CSMD1: variants seen among roughly 807,000 people sequenced by gnomAD.
CSMD1 encodes CUB and Sushi multiple domains 1.
Under a neutral mutation model 417.5 loss-of-function variants are expected in CSMD1, and 213 were observed. The ratio of observed to expected loss-of-function variants is 0.51; its 90% confidence interval spans 0.46 to 0.57. The LOEUF (loss-of-function observed/expected upper bound fraction) is 0.57. Ranked by LOEUF, CSMD1 falls within the 20% of genes least tolerant of loss-of-function variation. The pLI is 0.00. For synonymous variants in CSMD1, 2,862 were observed against 1,736.8 expected (o/e 1.65, Z -16.11); for missense variants, 6,923 against 4,529.7 (o/e 1.53, Z -15.17).
chr8:3,823,376 GA>G (rs546770294), intron 5 of CSMD1, among the ~76,000 whole-genome samples: 155 of 152,222 alleles, frequency 1.0e-3, no homozygotes, highest in Non-Finnish European at 1.5e-3. Flanking sequence ...TTATTTAAAG[GA>G]AAGTTAAATA....
chr8:4,234,061 A>C (rs1308093869), intron 3 of CSMD1, among the ~76,000 whole-genome samples: 1 of 152,150 alleles, frequency 6.6e-6, no homozygotes, highest in Non-Finnish European at 1.5e-5. Context: ...CAGATAAGTC[A>C]ACCATTAACC....
At chr8:3,739,965 T>C (rs1224822748) in intron 6 of CSMD1, among the ~76,000 whole-genome samples, 2 of 152,176 alleles carry the variant, frequency 1.3e-5, no homozygotes, top group Non-Finnish European at 2.9e-5. Context: ...AGTTCGATTC[T>C]CCTTCATGAT....
intron 3 of CSMD1, among the ~76,000 whole-genome samples, chr8:4,299,388 C>G (rs1158169524): frequency 6.6e-6 from 1 of 152,088 alleles, no homozygotes. Context: ...TTGTAGATAA[C>G]CAGTCGTCTC....
In CSMD1 at chr8:3,269,046, C is replaced by T. The variant is rs113043459; in HGVS notation, c.4153+15098G>A. 3.5e-3 allele frequency among the ~76,000 whole-genome samples: 536 copies of T among 152,284 alleles called. 7 individuals are homozygous for T. Among genetic ancestry groups the T allele is most frequent in the African/African-American group, 0.012 (515 of 41,552 alleles). ...CTCTCCTTCGATTTGTAATCAATCT[C>T]GCTAATGTTAGAGAAAATGAATCAG... On this transcript the variant is annotated intron_variant, in intron 26 of 69. Transcript: ENST00000635120.
chr8:3,404,091 C>G (rs535512749), intron 15 of CSMD1, among the ~76,000 whole-genome samples: 2 of 152,232 alleles, frequency 1.3e-5, no homozygotes, highest in Non-Finnish European at 2.9e-5. Context: ...TAAACAGGAC[C>G]TGGTTAGAAG....
At chr8:4,133,549 A>G (rs1344094295) in intron 3 of CSMD1, among the ~76,000 whole-genome samples, 1 of 152,182 alleles carries the variant, frequency 6.6e-6, no homozygotes, top group Non-Finnish European at 1.5e-5. Flanking sequence ...TCATGGTATA[A>G]GGGTTTTGTA....
intron 8 of CSMD1, among the ~76,000 whole-genome samples, chr8:3,588,013 T>A (rs1800679621): frequency 6.6e-6 from 1 of 152,176 alleles, no homozygotes; most frequent in Non-Finnish European, 1.5e-5. Context: ...TATCTGTAAT[T>A]GTAGACATAT....
intron 50 of CSMD1, among the ~76,000 whole-genome samples, chr8:3,038,756 A>G (rs1810871042): frequency 6.6e-6 from 1 of 152,160 alleles, no homozygotes; most frequent in Admixed American, 6.5e-5. Flanking sequence ...TTCTTACAAT[A>G]TTTTAAATAA....
intron 3 of CSMD1, among the ~76,000 whole-genome samples, chr8:4,284,110 G>A (rs1796932685): frequency 6.6e-6 from 1 of 152,164 alleles, no homozygotes; most frequent in Non-Finnish European, 1.5e-5. Context: ...GCTCACACCT[G>A]TAATCCTAGC....
intron 47 of CSMD1, among the ~76,000 whole-genome samples, chr8:3,096,383 T>A (rs1426755257): frequency 1.3e-5 from 2 of 152,154 alleles, no homozygotes; most frequent in Admixed American, 6.5e-5. Flanking sequence ...GTTCTCCTGA[T>A]AGTAAGTCCC....
chr8:4,234,366 G>C (rs1700040), intron 3 of CSMD1, among the ~76,000 whole-genome samples: 60,747 of 151,916 alleles, frequency 0.4, 12,632 homozygotes, highest in South Asian at 0.59. Context: ...CTCTGCAGGA[G>C]TGGAAGATGT....
In CSMD1 at chr8:4,424,881, A is replaced by G. The variant is rs191578006; in HGVS notation, c.303-4816T>C. ...ACTCTTTGTATAATTTCTTTTAACT[A>G]CATGTGAATCTATAATGATCTCACA... On this transcript the variant is annotated intron_variant, in intron 2 of 69. Coordinates refer to ENST00000635120, the MANE Select transcript of CSMD1 (RefSeq NM_033225.6). Among the ~76,000 whole-genome samples the G allele has an allele frequency of 1.5e-3, 221 of 152,206 alleles. 1 individual carries two copies. Among genetic ancestry groups the G allele is most frequent in the African/African-American group, 5.1e-3 (212 of 41,544 alleles).
chr8:4,190,486 A>C (rs947200915), intron 3 of CSMD1, among the ~76,000 whole-genome samples: 2 of 152,032 alleles, frequency 1.3e-5, no homozygotes, highest in Non-Finnish European at 2.9e-5. Context: ...TCGTAAGTTA[A>C]CCAAGTAAAA....
In CSMD1 at chr8:3,250,983, A is replaced by G. The variant is rs925700912; in HGVS notation, c.4154-20752T>C. Reference sequence around the variant, plus strand: ...TATTAGCCCTTTGTCAGATGAGTAGATTGTGAAAATTTTCTCCCATTTTGT... The same window carrying G: ...TATTAGCCCTTTGTCAGATGAGTAGGTTGTGAAAATTTTCTCCCATTTTGT... On this transcript the variant is annotated intron_variant, in intron 26 of 69. Coordinates refer to ENST00000635120, the MANE Select transcript of CSMD1 (RefSeq NM_033225.6). Among the ~76,000 whole-genome samples, 61 of 152,132 alleles carry G rather than the reference A, an allele frequency of 4.0e-4. No individual in the cohort carries two copies. In the East Asian group the frequency reaches 9.9e-3, roughly 25 times the overall value.
chr8:3,061,241 T>C (rs1393479732), intron 49 of CSMD1, among the ~76,000 whole-genome samples: 1 of 152,132 alleles, frequency 6.6e-6, no homozygotes, highest in Admixed American at 6.5e-5. Context: ...CTTTGACAGA[T>C]GTACAGTTTA....
intron 1 of CSMD1, among the ~76,000 whole-genome samples, chr8:4,993,013 C>A (rs897402764): frequency 1.4e-4 from 21 of 152,274 alleles, no homozygotes; most frequent in Admixed American, 6.5e-4. Context: ...GAAGCCCAGG[C>A]GGCACGTCTC....
intron 3 of CSMD1, among the ~76,000 whole-genome samples, chr8:4,107,089 G>C (rs939883929): frequency 2.6e-5 from 4 of 152,094 alleles, no homozygotes; most frequent in Non-Finnish European, 4.4e-5. Flanking sequence ...ACATGAACAA[G>C]GTGATAATGA....
chr8:4,937,720 C>T (rs189220243), intron 1 of CSMD1, among the ~76,000 whole-genome samples: 12 of 152,154 alleles, frequency 7.9e-5, no homozygotes, highest in East Asian at 5.8e-4. Flanking sequence ...CTTGACTTTA[C>T]GCCTGAGCAG....
At chr8:4,490,006 C>G (rs574319963) in intron 2 of CSMD1, among the ~76,000 whole-genome samples, 21 of 149,738 alleles carry the variant, frequency 1.4e-4, no homozygotes, top group African/African-American at 4.9e-4. Context: ...TGTTGTCTGT[C>G]TTTCCAGGTC....
Sources: gnomAD v4.1 joint callset for allele counts (sites outside exome capture counted in the v4.1 genomes callset) on GRCh38, gnomAD v4.1.1 for gene constraint, MANE v1.5 for transcripts, NCBI Gene and HGNC (gene_info 2026-07-23, HGNC 2026-07-21) for gene names.